HORMAD2: variants seen among roughly 807,000 people sequenced by gnomAD.
The protein encoded by HORMAD2 is HORMA domain-containing protein 2.
Under a neutral mutation model 38.8 loss-of-function variants are expected in HORMAD2, and 45 were observed. The ratio of observed to expected loss-of-function variants is 1.16; its 90% CI spans 0.91 to 1.49. The LOEUF is 1.49. HORMAD2 is among the 40% of genes most tolerant of loss of function. The pLI is 0.00. For missense variants in HORMAD2, 338 were observed against 367.0 expected (o/e 0.92, Z 0.65); for synonymous variants, 126 against 122.8 (o/e 1.03, Z -0.17).
intron 10 of HORMAD2, among the ~76,000 whole-genome samples, chr22:30,155,253 C>G (rs772733158): frequency 3.9e-5 from 6 of 152,014 alleles, no homozygotes; most frequent in Non-Finnish European, 7.4e-5. Context: ...TTATTTTCCC[C>G]TTTGTAATTA....
intron 10 of HORMAD2, among the ~76,000 whole-genome samples, chr22:30,174,713 T>C: frequency 6.6e-6 from 1 of 152,186 alleles, no homozygotes; most frequent in East Asian, 1.9e-4. Context: ...ATAGTTTGGT[T>C]TGAATGGAAA....
At chr22:30,086,308 C>T (rs2068570552) in intron 1 of HORMAD2, among the ~76,000 whole-genome samples, 2 of 152,106 alleles carry the variant, frequency 1.3e-5, no homozygotes, top group South Asian at 4.1e-4. Context: ...ATTACCCAGT[C>T]TTAGGTAGTT....
chr22:30,116,156 G>A (rs1420153882), intron 7 of HORMAD2, among the ~76,000 whole-genome samples: 1 of 152,130 alleles, frequency 6.6e-6, no homozygotes, highest in Non-Finnish European at 1.5e-5. Flanking sequence ...CCCTAAGACA[G>A]GAAGGAATCT....
intron 10 of HORMAD2, among the ~76,000 whole-genome samples, chr22:30,126,918 T>A (rs1043984695): frequency 5.3e-5 from 8 of 152,188 alleles, no homozygotes; most frequent in Non-Finnish European, 1.0e-4. Flanking sequence ...TGTTTTAATT[T>A]ATTTAATTTA....
chr22:30,188,270 A>G, the HORMAD2 span, among the ~76,000 whole-genome samples: 2 of 152,148 alleles, frequency 1.3e-5, no homozygotes, highest in African/African-American at 4.8e-5. Flanking sequence ...TTGGGAGCAC[A>G]AGGAAATTGG....
intron 10 of HORMAD2, among the ~76,000 whole-genome samples, chr22:30,157,560 G>T (rs1925159515): frequency 6.6e-6 from 1 of 151,672 alleles, no homozygotes. Context: ...ACTTTTTCAA[G>T]CTATTCATTG....
At chr22:30,191,538 G>C in the HORMAD2 span, among the ~76,000 whole-genome samples, 1 of 152,144 alleles carries the variant, frequency 6.6e-6, no homozygotes, top group Non-Finnish European at 1.5e-5. Context: ...TGATCTAATA[G>C]AGCTAACTTT....
intron 10 of HORMAD2, among the ~76,000 whole-genome samples, chr22:30,160,704 A>G (rs1925390520): frequency 6.6e-6 from 1 of 152,232 alleles, no homozygotes; most frequent in African/African-American, 2.4e-5. Flanking sequence ...ATTGAAATAG[A>G]TACATAAAAC....
Position 30,155,137 on chromosome 22 carries a change from CT to C in HORMAD2, c.820-20923del, listed in dbSNP as rs557213968. On this transcript the variant is annotated intron_variant, in intron 10 of 10. Transcript: ENST00000336726. Reference sequence around the variant, plus strand: ...TATCACAGAATTGGTGCTGAGTAATCTTTACTTCCTTCAGGTGGCACATGAT... The same window carrying C: ...TATCACAGAATTGGTGCTGAGTAATCTTACTTCCTTCAGGTGGCACATGAT... Among the ~76,000 whole-genome samples the C allele has an allele frequency of 7.3e-5, 11 of 150,904 alleles. No homozygotes were observed. The South Asian group carries it at 1.7e-3, about 23-fold the overall frequency.
intron 5 of HORMAD2, among the ~76,000 whole-genome samples, chr22:30,107,522 G>A (rs1921290500): frequency 6.6e-6 from 1 of 152,100 alleles, no homozygotes; most frequent in Admixed American, 6.5e-5. Context: ...GCTGAGACGG[G>A]TGGATCTCTT....
chr22:30,151,124 G>A (rs1001193659), intron 10 of HORMAD2, among the ~76,000 whole-genome samples: 9 of 152,146 alleles, frequency 5.9e-5, no homozygotes, highest in Admixed American at 5.2e-4. Context: ...TCCACTGCTG[G>A]TTTAGGTTTC....
intron 10 of HORMAD2, among the ~76,000 whole-genome samples, chr22:30,139,415 A>G (rs1923921302): frequency 6.7e-6 from 1 of 150,322 alleles, no homozygotes; most frequent in Non-Finnish European, 1.5e-5. Context: ...ACCCTGACTG[A>G]TACGCTTGCT....
chr22:30,123,643 GTATTTATTTATT>G (rs71198526), intron 10 of HORMAD2, among the ~76,000 whole-genome samples: 59 of 145,364 alleles, frequency 4.1e-4, no homozygotes, highest in African/African-American at 8.4e-4. Flanking sequence ...CCTCAGCTAG[GTATTTATTTATT>G]TATTTATTTA....
At position 30,125,210 on chromosome 22, in the gene HORMAD2, TC is replaced by T. The variant is rs1246050952; in HGVS notation, c.819+2997del. Among the ~76,000 whole-genome samples, 88 of 131,090 alleles carry T rather than the reference TC, an allele frequency of 6.7e-4. 1 individual carries two copies. Among genetic ancestry groups the T allele is most frequent in the African/African-American group, 2.6e-3 (86 of 32,454 alleles). The allele number at this position is 131,090 out of a possible 152,430, so 86.0% of individuals were successfully genotyped here. A position where few individuals can be genotyped will look rare whatever the true frequency, so the allele number is the denominator to read the frequency against. Reference sequence around the variant, plus strand: ...GTGGCTCATCTTTTCACTTTCTTTTTCTTTTCTTTTTTTTTTTTTTTTTTTT... The same window carrying T: ...GTGGCTCATCTTTTCACTTTCTTTTTTTTTCTTTTTTTTTTTTTTTTTTTT... On this transcript the variant is annotated intron_variant, in intron 10 of 10. Coordinates refer to ENST00000336726, the MANE Select transcript of HORMAD2 (RefSeq NM_152510.4).
intron 2 of HORMAD2, among the ~76,000 whole-genome samples, chr22:30,096,043 T>C (rs2068775977): frequency 6.6e-6 from 1 of 152,204 alleles, no homozygotes. Flanking sequence ...CATATACTAA[T>C]ACTCATTTGT....
At chr22:30,091,071 A>C (rs1038028884) in intron 1 of HORMAD2, among the ~76,000 whole-genome samples, 6 of 152,128 alleles carry the variant, frequency 3.9e-5, no homozygotes, top group Admixed American at 1.3e-4. Flanking sequence ...GAGTGAGAAC[A>C]CATGGTATTT....
At chr22:30,161,875 C>T (rs1030120924) in intron 10 of HORMAD2, among the ~76,000 whole-genome samples, 2 of 152,030 alleles carry the variant, frequency 1.3e-5, no homozygotes, top group Non-Finnish European at 2.9e-5. Context: ...ATAGAAAACA[C>T]AATTTAAACA....
At chr22:30,089,225 C>T (rs1756421072) in intron 1 of HORMAD2, among the ~76,000 whole-genome samples, 1 of 152,098 alleles carries the variant, frequency 6.6e-6, no homozygotes, top group African/African-American at 2.4e-5. Context: ...CTTGGTGATC[C>T]AGAATGGAAT....
At position 30,134,973 on chromosome 22, in the gene HORMAD2, C is replaced by T. The variant is rs542728443; in HGVS notation, c.819+12759C>T. On this transcript the variant is annotated intron_variant, in intron 10 of 10. Coordinates refer to ENST00000336726, the MANE Select transcript of HORMAD2 (RefSeq NM_152510.4). ...CCAATTAATCCCAACAACAACTTTG[C>T]GTGATATTTTATAGCTGAAGAAACA... 3.9e-5 allele frequency among the ~76,000 whole-genome samples: 6 copies of T among 152,216 alleles called. No homozygotes were observed. The East Asian group carries it at 5.8e-4, about 15-fold the overall frequency.
Sources: allele counts gnomAD v4.1 joint callset (sites outside exome capture counted in the v4.1 genomes callset), GRCh38; gene constraint gnomAD v4.1.1; transcripts MANE v1.5; gene names NCBI Gene and HGNC (gene_info 2026-07-23, HGNC 2026-07-21).